MPPED2: variants seen among roughly 807,000 people sequenced by gnomAD.
MPPED2 encodes the protein metallophosphoesterase MPPED2.
In MPPED2, 5 loss-of-function variants were observed where a neutral mutation model predicts 33.0. The observed-to-expected ratio is 0.15, with a 90% confidence interval of 0.08 to 0.32. The LOEUF is 0.32. MPPED2 is among the 10% of genes least tolerant of loss of function. The pLI is 1.00. For missense variants in MPPED2, 275 were observed against 372.1 expected (o/e 0.74, Z 2.15); for synonymous variants, 136 against 141.9 (o/e 0.96, Z 0.29).
At chr11:30,417,863 C>T (rs1948444863) in intron 4 of MPPED2, among the ~76,000 whole-genome samples, 1 of 152,138 alleles carries the variant, frequency 6.6e-6, no homozygotes, top group Non-Finnish European at 1.5e-5. Context: ...AGAGCCTTTA[C>T]AGTGGAGACT....
intron 3 of MPPED2, among the ~76,000 whole-genome samples, chr11:30,517,866 A>T (rs998895716): frequency 6.6e-6 from 1 of 152,296 alleles, no homozygotes; most frequent in African/African-American, 2.4e-5. Flanking sequence ...CTAAGAAATA[A>T]AACCCTTCTT....
chr11:30,446,854 T>C (rs889589699), intron 4 of MPPED2, among the ~76,000 whole-genome samples: 1 of 152,202 alleles, frequency 6.6e-6, no homozygotes, highest in Non-Finnish European at 1.5e-5. Flanking sequence ...ATGTCCAAGT[T>C]ACCGATTTCT....
intron 4 of MPPED2, among the ~76,000 whole-genome samples, chr11:30,467,950 G>A (rs1950784170): frequency 6.6e-6 from 1 of 151,986 alleles, no homozygotes; most frequent in Non-Finnish European, 1.5e-5. Context: ...AAACAACATG[G>A]AGGCTCCTTG....
intron 4 of MPPED2, among the ~76,000 whole-genome samples, chr11:30,450,533 G>A (rs1022659201): frequency 6.6e-6 from 1 of 152,172 alleles, no homozygotes; most frequent in Non-Finnish European, 1.5e-5. Flanking sequence ...CCAGAATTGA[G>A]CAAATGGGGG....
chr11:30,566,000 T>C (rs1956424967), intron 2 of MPPED2, among the ~76,000 whole-genome samples: 1 of 152,054 alleles, frequency 6.6e-6, no homozygotes, highest in Admixed American at 6.6e-5. Context: ...TCTGTAAAAA[T>C]TTTAAGAGTT....
intron 4 of MPPED2, among the ~76,000 whole-genome samples, chr11:30,493,954 G>A (rs1369452568): frequency 6.6e-6 from 1 of 152,198 alleles, no homozygotes; most frequent in African/African-American, 2.4e-5. Flanking sequence ...CACGCTTCTT[G>A]TCTGGCCTCC....
intron 6 of MPPED2, among the ~76,000 whole-genome samples, chr11:30,390,641 G>A (rs1384445192): frequency 1.3e-5 from 2 of 152,206 alleles, no homozygotes; most frequent in African/African-American, 4.8e-5. Flanking sequence ...AGCCTTTGCT[G>A]TGTAACAAAG....
intron 2 of MPPED2, among the ~76,000 whole-genome samples, chr11:30,569,399 C>T (rs764484588): frequency 2.6e-5 from 4 of 152,188 alleles, no homozygotes; most frequent in Admixed American, 2.0e-4. Flanking sequence ...AATTAATATC[C>T]TTTAGGAGTC....
At chr11:30,488,145 G>C in intron 4 of MPPED2, among the ~76,000 whole-genome samples, 1 of 152,150 alleles carries the variant, frequency 6.6e-6, no homozygotes, top group East Asian at 1.9e-4. Context: ...GTCAAAAGGA[G>C]GCAATAATGA....
At chr11:30,457,723 G>A (rs1029338397) in intron 4 of MPPED2, among the ~76,000 whole-genome samples, 1 of 152,180 alleles carries the variant, frequency 6.6e-6, no homozygotes, top group African/African-American at 2.4e-5. Context: ...AGTTCGGAGT[G>A]CAAAGGTCAT....
intron 4 of MPPED2, among the ~76,000 whole-genome samples, chr11:30,491,548 G>A (rs1476194009): frequency 6.6e-6 from 1 of 152,162 alleles, no homozygotes; most frequent in African/African-American, 2.4e-5. Context: ...CTTACTCCAT[G>A]CTAAAAAGTC....
At chr11:30,506,502 T>A (rs1405470178) in intron 3 of MPPED2, among the ~76,000 whole-genome samples, 1 of 152,210 alleles carries the variant, frequency 6.6e-6, no homozygotes, top group Non-Finnish European at 1.5e-5. Context: ...AGATGAAGAA[T>A]GATATGTTTA....
At position 30,481,996 on chromosome 11, in the gene MPPED2, C is replaced by T. The variant is rs371798421; in HGVS notation, c.536+13300G>A. Among the ~76,000 whole-genome samples, 11 of 151,938 alleles carry T rather than the reference C, an allele frequency of 7.2e-5. No homozygotes were observed. In the East Asian group the frequency reaches 1.2e-3, roughly 16 times the overall value. On this transcript the variant is annotated intron_variant, in intron 4 of 6. Coordinates refer to ENST00000358117, the MANE Select transcript of MPPED2 (RefSeq NM_001584.3). ...ATATGTGCCAACCCACACACACACC[C>T]GGATCATATACGTGATGACGGCACC...
In MPPED2 at chr11:30,443,521, G is replaced by A. The variant is rs541766463; in HGVS notation, c.537-25888C>T. ...GAGAGAAAGAGAGAAGACGGGGCAG[G>A]GATTGCAGGTGGGAGGGTGGGGAGT... is the stretch of plus-strand genomic sequence containing the variant. On this transcript the variant is annotated intron_variant, in intron 4 of 6. Transcript: ENST00000358117. Among the ~76,000 whole-genome samples the A allele has an allele frequency of 7.9e-4, 120 of 152,188 alleles. 2 individuals carry two copies. The highest frequency in any genetic ancestry group is 2.8e-3 in the African/African-American group (116 of 41,494).
intron 2 of MPPED2, among the ~76,000 whole-genome samples, chr11:30,538,965 G>T (rs1051129644): frequency 6.6e-6 from 1 of 152,166 alleles, no homozygotes; most frequent in African/African-American, 2.4e-5. Flanking sequence ...AAGCCACTCT[G>T]TGAGATGGTA....
At chr11:30,476,391 T>C (rs191309068) in intron 4 of MPPED2, among the ~76,000 whole-genome samples, 1 of 152,012 alleles carries the variant, frequency 6.6e-6, no homozygotes, top group Admixed American at 6.6e-5. Flanking sequence ...TTTCATTTTT[T>C]AAAAAAATTT....
At chr11:30,431,494 C>A (rs1949075877) in intron 4 of MPPED2, among the ~76,000 whole-genome samples, 1 of 152,200 alleles carries the variant, frequency 6.6e-6, no homozygotes, top group Admixed American at 6.5e-5. Flanking sequence ...CATAAAGCTC[C>A]TAGCAGAGTG....
chr11:30,543,321 C>T (rs1176943566), intron 2 of MPPED2, among the ~76,000 whole-genome samples: 1 of 152,178 alleles, frequency 6.6e-6, no homozygotes, highest in African/African-American at 2.4e-5. Context: ...GCTGTGGAAT[C>T]CAGTGGCTTT....
intron 4 of MPPED2, among the ~76,000 whole-genome samples, chr11:30,454,025 C>T (rs1415260646): frequency 6.6e-6 from 1 of 152,158 alleles, no homozygotes; most frequent in Non-Finnish European, 1.5e-5. Flanking sequence ...CATCTCCTGG[C>T]CACACACCCT....
Sources: gnomAD v4.1 joint callset for allele counts (sites outside exome capture counted in the v4.1 genomes callset) on GRCh38, gnomAD v4.1.1 for gene constraint, MANE v1.5 for transcripts, NCBI Gene and HGNC (gene_info 2026-07-23, HGNC 2026-07-21) for gene names.